Variants in DOK5 observed in about 807,000 individuals in gnomAD.
DOK5 encodes downstream of tyrosine kinase 5.
Under a neutral mutation model 43.3 loss-of-function variants are expected in DOK5, and 27 were observed. The ratio of observed to expected loss-of-function variants is 0.62; its 90% CI spans 0.46 to 0.86. The LOEUF (loss-of-function observed/expected upper bound fraction) is 0.86. Ranked by LOEUF, DOK5 falls within the 40% of genes least tolerant of loss-of-function variation. The probability of loss-of-function intolerance (pLI) is 0.00; values close to 1 mark genes in which losing one functional copy is unlikely to be tolerated. For missense variants in DOK5, 373 were observed against 392.9 expected (o/e 0.95, Z 0.43); for synonymous variants, 146 against 140.1 (o/e 1.04, Z -0.30).
intron 1 of DOK5, among the ~76,000 whole-genome samples, chr20:54,493,186 C>T (rs1982261014): frequency 6.6e-6 from 1 of 152,056 alleles, no homozygotes; most frequent in Non-Finnish European, 1.5e-5. Context: ...TTCTATCCTA[C>T]CTTTCTTACA....
chr20:54,616,826 C>T (rs1035310156), intron 6 of DOK5, among the ~76,000 whole-genome samples: 9 of 123,308 alleles, frequency 7.3e-5, no homozygotes, highest in Admixed American at 3.3e-4. Context: ...CTCACTCTGT[C>T]GCCCAGGCTG....
At chr20:54,520,453 C>T (rs1173671544) in intron 1 of DOK5, among the ~76,000 whole-genome samples, 1 of 152,010 alleles carries the variant, frequency 6.6e-6, no homozygotes, top group Non-Finnish European at 1.5e-5. Context: ...ATTTTTGAGA[C>T]TGTAAGATCA....
intron 2 of DOK5, among the ~76,000 whole-genome samples, chr20:54,573,686 C>CAAAAAAAA (rs1321685949): frequency 2.0e-5 from 1 of 50,966 alleles, no homozygotes; most frequent in Non-Finnish European, 4.1e-5. Flanking sequence ...GACTCCATCT[C>CAAAAAAAA]AAAAAAAAAA....
chr20:54,541,197 T>A (rs564281550), intron 1 of DOK5, among the ~76,000 whole-genome samples: 1 of 152,346 alleles, frequency 6.6e-6, no homozygotes, highest in South Asian at 2.1e-4. Flanking sequence ...ATGTTGATTA[T>A]AATTTCACAA....
intron 1 of DOK5, among the ~76,000 whole-genome samples, chr20:54,497,554 C>A (rs1363451826): frequency 6.6e-6 from 1 of 152,082 alleles, no homozygotes; most frequent in Non-Finnish European, 1.5e-5. Flanking sequence ...TCATGTTTTG[C>A]TCTATTCTAT....
Position 54,475,773 on chromosome 20 carries a change from G to C in DOK5, c.-174G>C, listed in dbSNP as rs1401669643. On this transcript the variant is annotated 5_prime_UTR_variant, in exon 1 of 8. Coordinates refer to ENST00000262593, the MANE Select transcript of DOK5 (RefSeq NM_018431.5). The surrounding 1 kb of genome is among the most constrained non-coding windows in gnomAD (Gnocchi z 4.2). ...AGCCGGCCGCCCACTGTCAGGGTTG[G>C]GGGGACAGAGAAAGTGATGTGCGCC... is the stretch of plus-strand genomic sequence containing the variant. The C allele has an allele frequency of 4.3e-5, 33 of 773,314 alleles. No individual in the cohort carries two copies. The East Asian group carries it at 8.2e-4, about 19-fold the overall frequency. The allele number at this position is 773,314 out of a possible 1,614,324, so 47.9% of individuals were successfully genotyped here. A position where few individuals can be genotyped will look rare whatever the true frequency, so the allele number is the denominator to read the frequency against.
chr20:54,628,073 T>A (rs1978379971), intron 6 of DOK5, among the ~76,000 whole-genome samples: 1 of 152,228 alleles, frequency 6.6e-6, no homozygotes, highest in African/African-American at 2.4e-5. Flanking sequence ...AATTCAGGCA[T>A]ACTTTTCTAC....
intron 6 of DOK5, among the ~76,000 whole-genome samples, chr20:54,638,651 T>C (rs1336713008): frequency 2.6e-5 from 4 of 152,122 alleles, no homozygotes; most frequent in African/African-American, 7.2e-5. Context: ...TTGTTTTTTA[T>C]AGAGTCCAGG....
intron 6 of DOK5, among the ~76,000 whole-genome samples, chr20:54,620,093 C>T (rs962794695): frequency 6.6e-6 from 1 of 152,186 alleles, no homozygotes; most frequent in Non-Finnish European, 1.5e-5. Flanking sequence ...CATTTTCCCC[C>T]TCCTGAATTA....
At chr20:54,555,141 C>A (rs2146729833) in intron 2 of DOK5, 101 bp downstream of exon 2, 1 of 756,720 alleles carries the variant, frequency 1.3e-6, no homozygotes, top group Non-Finnish European at 2.3e-6. Flanking sequence ...AAGGTACAAG[C>A]AATATCTTTT....
intron 2 of DOK5, among the ~76,000 whole-genome samples, chr20:54,587,026 A>G (rs572747113): frequency 1.1e-3 from 174 of 152,298 alleles, no homozygotes; most frequent in Non-Finnish European, 2.0e-3. Flanking sequence ...AAAATCTGCT[A>G]TGTGCAGCAT....
chr20:54,601,010 T>A (rs557879730), intron 5 of DOK5, among the ~76,000 whole-genome samples: 78 of 152,264 alleles, frequency 5.1e-4, no homozygotes, highest in Non-Finnish European at 8.5e-4. Flanking sequence ...TGGGTAACAG[T>A]GAATATGGTC....
intron 6 of DOK5, among the ~76,000 whole-genome samples, chr20:54,614,287 A>G (rs1986738064): frequency 1.3e-5 from 2 of 152,130 alleles, no homozygotes; most frequent in African/African-American, 4.8e-5. Flanking sequence ...CCATGTACTT[A>G]GAAATTCTGG....
chr20:54,501,182 G>T (rs890813920), intron 1 of DOK5, among the ~76,000 whole-genome samples: 1 of 152,080 alleles, frequency 6.6e-6, no homozygotes, highest in Non-Finnish European at 1.5e-5. Context: ...AAATCTGGCA[G>T]TGGGGCTGGG....
At chr20:54,599,617 T>C (rs1182639260) in intron 5 of DOK5, among the ~76,000 whole-genome samples, 1 of 152,222 alleles carries the variant, frequency 6.6e-6, no homozygotes, top group African/African-American at 2.4e-5. Context: ...TTAAATAGCA[T>C]GCAAAATTCT....
chr20:54,604,991 G>T (rs1986418411), intron 5 of DOK5, among the ~76,000 whole-genome samples: 1 of 139,100 alleles, frequency 7.2e-6, no homozygotes, highest in Non-Finnish European at 1.5e-5. Flanking sequence ...AACAGAGCAA[G>T]ACTGTGTCTC....
chr20:54,561,305 T>C (rs1353676620), intron 2 of DOK5, among the ~76,000 whole-genome samples: 1 of 152,196 alleles, frequency 6.6e-6, no homozygotes, highest in Non-Finnish European at 1.5e-5. Context: ...TCTTTGGTAA[T>C]GGATGTCTGA....
At chr20:54,492,531 G>A (rs1187185568) in intron 1 of DOK5, among the ~76,000 whole-genome samples, 1 of 151,982 alleles carries the variant, frequency 6.6e-6, no homozygotes, top group Non-Finnish European at 1.5e-5. Context: ...ATACACTCAC[G>A]CATACATGAT....
intron 1 of DOK5, among the ~76,000 whole-genome samples, chr20:54,481,131 CATCTATCT>C (rs58563329): frequency 0.14 from 19,535 of 139,462 alleles, 1,500 homozygotes; most frequent in Middle Eastern, 0.29. Context: ...ATGTATCTAT[CATCTATCT>C]ATCTATCTAT....
Sources: gnomAD v4.1 joint callset for allele counts (sites outside exome capture counted in the v4.1 genomes callset) on GRCh38, gnomAD v4.1.1 for gene constraint, Gnocchi (gnomAD v3.1) non-coding constraint, MANE v1.5 for transcripts, NCBI Gene and HGNC (gene_info 2026-07-23, HGNC 2026-07-21) for gene names.